DIAPH3: variants seen among roughly 807,000 people sequenced by gnomAD.
DIAPH3 encodes the protein protein diaphanous homolog 3.
A neutral mutation model predicts 144.3 loss-of-function variants in DIAPH3; 117 were observed. The observed-to-expected ratio is 0.81, with a 90% CI of 0.70 to 0.95. DIAPH3 has a LOEUF of 0.95. Among genes scored for constraint, DIAPH3 ranks in the 40% least tolerant of loss-of-function variants. The probability of loss-of-function intolerance (pLI) is 0.00; values close to 1 mark genes in which losing one functional copy is unlikely to be tolerated. For synonymous variants in DIAPH3, 519 were observed against 488.9 expected (o/e 1.06, Z -0.81); for missense variants, 1,421 against 1,412.7 (o/e 1.01, Z -0.09).
intron 27 of DIAPH3, among the ~76,000 whole-genome samples, chr13:59,771,553 A>G (rs1276873894): frequency 6.9e-6 from 1 of 144,366 alleles, no homozygotes; most frequent in Non-Finnish European, 1.5e-5. Context: ...TCAATTGTTT[A>G]ACTTTATGTT....
At chr13:59,941,599 T>G (rs1449552828) in intron 17 of DIAPH3, among the ~76,000 whole-genome samples, 2 of 152,204 alleles carry the variant, frequency 1.3e-5, no homozygotes, top group Non-Finnish European at 2.9e-5. Context: ...AAATAGTGCA[T>G]AGTATGTTTA....
intron 1 of DIAPH3, among the ~76,000 whole-genome samples, chr13:60,134,039 C>T (rs1179735793): frequency 6.6e-6 from 1 of 152,148 alleles, no homozygotes; most frequent in Non-Finnish European, 1.5e-5. Context: ...CAGTGATGAT[C>T]CAGATTAAAA....
At chr13:60,020,196 T>C (rs1013371843) in intron 5 of DIAPH3, among the ~76,000 whole-genome samples, 1 of 152,194 alleles carries the variant, frequency 6.6e-6, no homozygotes, top group African/African-American at 2.4e-5. Context: ...TAAGAGGTTA[T>C]AGTCACTTAG....
intron 2 of DIAPH3, among the ~76,000 whole-genome samples, chr13:60,116,093 G>A (rs765447779): frequency 3.9e-5 from 6 of 151,960 alleles, no homozygotes; most frequent in African/African-American, 7.2e-5. Context: ...TTCTTAACTT[G>A]TTCTGGGATG....
chr13:59,759,745 A>T (rs1050829000), intron 27 of DIAPH3, among the ~76,000 whole-genome samples: 1 of 152,116 alleles, frequency 6.6e-6, no homozygotes, highest in Non-Finnish European at 1.5e-5. Context: ...GGAGTTCGAG[A>T]CCAGCCTGGC....
chr13:60,153,670 T>G (rs1236425378), intron 1 of DIAPH3, among the ~76,000 whole-genome samples: 3 of 152,160 alleles, frequency 2.0e-5, no homozygotes, highest in Non-Finnish European at 2.9e-5. Flanking sequence ...AAATTAATGT[T>G]GCTGTTAATT....
intron 21 of DIAPH3, among the ~76,000 whole-genome samples, chr13:59,877,385 C>T (rs2044698583): frequency 6.6e-6 from 1 of 152,074 alleles, no homozygotes; most frequent in Non-Finnish European, 1.5e-5. Context: ...TACATGTCAA[C>T]CAAACACCAA....
intron 9 of DIAPH3, among the ~76,000 whole-genome samples, chr13:60,006,344 CATGTA>C (rs2052874223): frequency 6.6e-6 from 1 of 152,134 alleles, no homozygotes; most frequent in Non-Finnish European, 1.5e-5. Context: ...TTTAAAACCT[CATGTA>C]ATGTAATACT....
At chr13:59,673,572 G>A (rs1436311506) in intron 27 of DIAPH3, among the ~76,000 whole-genome samples, 3 of 152,178 alleles carry the variant, frequency 2.0e-5, no homozygotes, top group Non-Finnish European at 4.4e-5. Flanking sequence ...CCCCTAGATA[G>A]TTTATAGTAA....
intron 25 of DIAPH3, among the ~76,000 whole-genome samples, chr13:59,787,728 T>C (rs1300934747): frequency 6.6e-6 from 1 of 152,200 alleles, no homozygotes; most frequent in Non-Finnish European, 1.5e-5. Flanking sequence ...AGGGAACCCA[T>C]CTTCTATGAT....
chr13:60,104,566 G>GCACA (rs10633554), intron 3 of DIAPH3, among the ~76,000 whole-genome samples: 6,510 of 146,936 alleles, frequency 0.044, 213 homozygotes, highest in South Asian at 0.19. Context: ...CAGTATCAAG[G>GCACA]CACACACACA....
chr13:59,988,977 T>A (rs1222132863), intron 12 of DIAPH3, among the ~76,000 whole-genome samples: 1 of 151,906 alleles, frequency 6.6e-6, no homozygotes, highest in East Asian at 1.9e-4. Flanking sequence ...GTCCCAAAAG[T>A]GGAAATGAAA....
chr13:59,979,009 CAAAGT>C (rs1442069129), intron 14 of DIAPH3, among the ~76,000 whole-genome samples: 1 of 151,584 alleles, frequency 6.6e-6, no homozygotes, highest in African/African-American at 2.4e-5. Flanking sequence ...CTGCCTAAAG[CAAAGT>C]ATTTACATGT....
chr13:59,937,836 G>A (rs1180024237), intron 17 of DIAPH3, among the ~76,000 whole-genome samples: 2 of 152,128 alleles, frequency 1.3e-5, no homozygotes, highest in Non-Finnish European at 2.9e-5. Context: ...AGCAAAAAAA[G>A]AAAGAAAATG....
At chr13:60,092,614 G>T (rs1179724321) in intron 4 of DIAPH3, among the ~76,000 whole-genome samples, 1 of 152,012 alleles carries the variant, frequency 6.6e-6, no homozygotes, top group Admixed American at 6.5e-5. Context: ...TGGCGCCACT[G>T]CACCCCAGCC....
intron 27 of DIAPH3, among the ~76,000 whole-genome samples, chr13:59,756,517 TCAGG>T (rs1342894461): frequency 3.2e-5 from 3 of 94,672 alleles, no homozygotes; most frequent in African/African-American, 1.3e-4. Context: ...AGGCAGGTAG[TCAGG>T]CAGGCAGGGA....
intron 9 of DIAPH3, among the ~76,000 whole-genome samples, chr13:59,997,556 G>A (rs1159486698): frequency 6.6e-6 from 1 of 151,958 alleles, no homozygotes; most frequent in Non-Finnish European, 1.5e-5. Context: ...CTTTTGGGTG[G>A]ATACTCGGTA....
chr13:59,803,624 A>G (rs1285070003), intron 25 of DIAPH3, among the ~76,000 whole-genome samples: 2 of 152,218 alleles, frequency 1.3e-5, no homozygotes, highest in Non-Finnish European at 2.9e-5. Context: ...AAATTAAGTT[A>G]TGTTGGAAGT....
rs771964464 is a variant in DIAPH3 at position 59,916,229 on chromosome 13, G to A, written c.2191C>T (p.Arg731Trp). Residue 731 changes from arginine (R) to tryptophan (W), a missense_variant, in exon 19 of 28, where the codon CGG becomes TGG. Arg to Trp is a moderately radical substitution (Grantham distance 101). Transcript: ENST00000400324. The part of the protein sequence containing the change: ...QNLSIFLSSF[R>W]VPYEEIRMMI... ...ATTCTGATTTCCTCATATGGCACCC[G>A]AAAAGAGCTCAGGAAGATTGCTAAG... 20 of 1,612,924 alleles carry A rather than the reference G, an allele frequency of 1.2e-5. No homozygotes were observed. The highest frequency in any genetic ancestry group is 6.7e-5 in the Admixed American group (4 of 59,942).
Sources: allele counts gnomAD v4.1 joint callset (sites outside exome capture counted in the v4.1 genomes callset), GRCh38; gene constraint gnomAD v4.1.1; transcripts MANE v1.5; gene names NCBI Gene and HGNC (gene_info 2026-07-23, HGNC 2026-07-21).